Variants in DAP3 observed in about 807,000 individuals in gnomAD.
DAP3 encodes small ribosomal subunit protein mS29.
Under a neutral mutation model 51.9 loss-of-function variants are expected in DAP3, and 28 were observed. That is an observed-to-expected ratio of 0.54 (90% CI 0.40 to 0.74). The LOEUF (loss-of-function observed/expected upper bound fraction) is 0.74, where lower values mean the gene tolerates loss of function less well. Ranked by LOEUF, DAP3 falls within the 30% of genes least tolerant of loss-of-function variation. The pLI is 0.00. For missense variants in DAP3, 458 were observed against 483.5 expected (o/e 0.95, Z 0.49); for synonymous variants, 170 against 170.3 (o/e 1.00, Z 0.01).
Position 155,725,977 on chromosome 1 carries a change from T to G in DAP3, c.430T>G (p.Phe144Val). The change falls in exon 6 of 13, where the codon TTC (phenylalanine) becomes GTC (valine). Residue 144 changes from phenylalanine to valine, a missense_variant. Phe to Val is a conservative substitution (Grantham distance 50). Transcript: ENST00000368336. ...KTLSLCHVIH[F>V]CAKQDWLILH... ...CCTAAGTCTTTGCCATGTTATTCAT[T>G]TCTGTGCAAAACAGGACTGGCTGAT... The G allele has an allele frequency of 6.2e-7, 1 of 1,614,168 alleles. No homozygotes were observed. The highest frequency in any genetic ancestry group is 8.5e-7 in the Non-Finnish European group (1 of 1,180,030).
At position 155,689,171 on chromosome 1, in the gene DAP3, C is replaced by T. The variant is rs1653278799; in HGVS notation, c.-11C>T. The T allele has an allele frequency of 2.7e-6, 2 of 741,612 alleles. No homozygotes were observed. Among genetic ancestry groups the T allele is most frequent in the Admixed American group, 2.0e-5 (1 of 48,988 alleles). 45.9% of individuals were successfully genotyped at this position (741,612 alleles called of 1,614,324 possible). On this transcript the variant is annotated 5_prime_UTR_variant, in exon 1 of 13. Transcript: ENST00000368336. ...TAGTCTGGAGAACTAGTCCTCGACTCACGGTGAGGGAATGGACCGACACGG... is the reference window on the plus strand; with the variant it reads ...TAGTCTGGAGAACTAGTCCTCGACTTACGGTGAGGGAATGGACCGACACGG...
intron 1 of DAP3, among the ~76,000 whole-genome samples, chr1:155,708,345 T>C (rs1656245842): frequency 6.6e-6 from 1 of 151,870 alleles, no homozygotes; most frequent in Non-Finnish European, 1.5e-5. Context: ...CACCACACTT[T>C]CAACTTTTTG....
Position 155,729,136 on chromosome 1 carries a change from C to A in DAP3, c.684+14C>A, listed in dbSNP as rs760328530. 1 of 1,614,084 alleles carries A rather than the reference C, an allele frequency of 6.2e-7. No individual in the cohort carries two copies. Reference sequence around the variant, plus strand: ...GTGGTTGAACAGGTATAAGAAAAAACACTGAATGTGTAACATGCGATAACA... The same window carrying A: ...GTGGTTGAACAGGTATAAGAAAAAAAACTGAATGTGTAACATGCGATAACA... On this transcript the variant is annotated intron_variant, in intron 8 of 12. Coordinates refer to ENST00000368336, the MANE Select transcript of DAP3 (RefSeq NM_004632.4).
chr1:155,714,428 C>T (rs1268928841), intron 2 of DAP3, among the ~76,000 whole-genome samples: 2 of 151,896 alleles, frequency 1.3e-5, no homozygotes, highest in Admixed American at 6.6e-5. Context: ...GGACTATGAA[C>T]GATGAAAAAA....
intron 7 of DAP3, 92 bp downstream of exon 7, chr1:155,727,830 G>C: frequency 3.0e-6 from 4 of 1,347,778 alleles, no homozygotes; most frequent in Non-Finnish European, 4.0e-6. Context: ...ACTGATACTG[G>C]AGTTGGAATA....
At chr1:155,697,355 A>G (rs1313681621) in intron 1 of DAP3, among the ~76,000 whole-genome samples, 1 of 152,144 alleles carries the variant, frequency 6.6e-6, no homozygotes, top group Non-Finnish European at 1.5e-5. Flanking sequence ...GACCGGGGGG[A>G]TTGGTAGAAA....
In DAP3 at chr1:155,706,957, G is replaced by T. The variant is rs143159945; in HGVS notation, c.-7-2816G>T. On this transcript the variant is annotated intron_variant, in intron 1 of 12. Transcript: ENST00000368336. ...AAAATACAAAAATTAGCTGGGCGTG[G>T]TAGCTGGCATCTCTAACTTCAGTTA... is the stretch of plus-strand genomic sequence containing the variant. Among the ~76,000 whole-genome samples, 572 of 151,104 alleles carry T rather than the reference G, an allele frequency of 3.8e-3. 5 individuals carry two copies. The highest frequency in any genetic ancestry group is 0.013 in the African/African-American group (547 of 40,668).
chr1:155,727,289 A>G (rs1052765888), intron 6 of DAP3, among the ~76,000 whole-genome samples: 20 of 152,104 alleles, frequency 1.3e-4, no homozygotes, highest in South Asian at 4.1e-4. Context: ...TATGTTTTAT[A>G]TATTGATTCT....
At chr1:155,720,113 A>C (rs1657803363) in intron 3 of DAP3, among the ~76,000 whole-genome samples, 1 of 149,138 alleles carries the variant, frequency 6.7e-6, no homozygotes, top group Non-Finnish European at 1.5e-5. Flanking sequence ...ACTTGAGCTC[A>C]GGAGTTCAAG....
chr1:155,718,710 A>AGATAGAT (rs1045186945), intron 3 of DAP3, among the ~76,000 whole-genome samples: 1 of 80,388 alleles, frequency 1.2e-5, no homozygotes, highest in African/African-American at 5.0e-5. Context: ...AAAGAAAGAT[A>AGATAGAT]GATAGATAGA....
intron 6 of DAP3, chr1:155,727,369 C>A: frequency 3.6e-6 from 1 of 277,642 alleles, no homozygotes; most frequent in Non-Finnish European, 6.5e-6. Flanking sequence ...CTTTGAGAGG[C>A]TGAGGCAGGA....
At chr1:155,735,846 T>C (rs1211904964) in intron 11 of DAP3, among the ~76,000 whole-genome samples, 3 of 143,808 alleles carry the variant, frequency 2.1e-5, no homozygotes, top group Admixed American at 6.9e-5. Context: ...TAATTTTTTT[T>C]TTTTTTTTTT....
chr1:155,719,700 A>C (rs1282850601), intron 3 of DAP3, among the ~76,000 whole-genome samples: 1 of 150,972 alleles, frequency 6.6e-6, no homozygotes, highest in South Asian at 2.1e-4. Flanking sequence ...GGCGCCTGCC[A>C]CCGTGCCTGG....
intron 12 of DAP3, among the ~76,000 whole-genome samples, chr1:155,737,756 C>G (rs1659954244): frequency 6.8e-6 from 1 of 146,952 alleles, no homozygotes; most frequent in Non-Finnish European, 1.5e-5. Context: ...GAGACCCCAT[C>G]TCTATTGAAA....
chr1:155,735,838 ATTTTT>A (rs35138415), intron 11 of DAP3, among the ~76,000 whole-genome samples: 1 of 82,458 alleles, frequency 1.2e-5, no homozygotes. Context: ...CGCCTGGCTA[ATTTTT>A]TTTTTTTTTT....
chr1:155,691,332 A>G (rs1653800558), intron 1 of DAP3, among the ~76,000 whole-genome samples: 1 of 142,198 alleles, frequency 7.0e-6, no homozygotes, highest in South Asian at 2.1e-4. Flanking sequence ...TAATAAGCAA[A>G]TTATGGACAT....
chr1:155,688,790 G>C, upstream of DAP3: 1 of 1,543,800 alleles, frequency 6.5e-7, no homozygotes, highest in Non-Finnish European at 8.7e-7. Context: ...TCGCGCGTGC[G>C]CCTCCCACAG....
intron 1 of DAP3, among the ~76,000 whole-genome samples, chr1:155,703,908 G>T (rs994667061): frequency 6.6e-6 from 1 of 152,204 alleles, no homozygotes; most frequent in Non-Finnish European, 1.5e-5. Context: ...AGCACTTTGC[G>T]AGGCTAGGGC....
chr1:155,700,139 G>A (rs1267609670), intron 1 of DAP3, among the ~76,000 whole-genome samples: 1 of 152,084 alleles, frequency 6.6e-6, no homozygotes, highest in East Asian at 1.9e-4. Flanking sequence ...GTTTCACCAT[G>A]TTGGCCAGGA....
Sources: allele counts gnomAD v4.1 joint callset (sites outside exome capture counted in the v4.1 genomes callset), GRCh38; gene constraint gnomAD v4.1.1; transcripts MANE v1.5; gene names NCBI Gene and HGNC (gene_info 2026-07-23, HGNC 2026-07-21).